Variants in CEP128 observed in about 807,000 individuals in gnomAD.
CEP128 encodes centrosomal protein 128.
A neutral mutation model predicts 156.7 loss-of-function variants in CEP128; 132 were observed. The observed-to-expected ratio is 0.84, with a 90% CI of 0.73 to 0.97. The LOEUF is 0.97. Ranked by LOEUF, CEP128 falls within the 50% of genes least tolerant of loss-of-function variation. CEP128 has a pLI of 0.00. For missense variants in CEP128, 1,252 were observed against 1,281.9 expected (o/e 0.98, Z 0.36); for synonymous variants, 469 against 448.9 (o/e 1.04, Z -0.57).
intron 19 of CEP128, among the ~76,000 whole-genome samples, chr14:80,724,976 T>C (rs1390234310): frequency 6.8e-6 from 1 of 146,852 alleles, no homozygotes; most frequent in Non-Finnish European, 1.5e-5. Flanking sequence ...ATATCATACA[T>C]ATATATCATA....
chr14:80,643,069 AG>A (rs1236675921), intron 19 of CEP128, among the ~76,000 whole-genome samples: 1 of 152,188 alleles, frequency 6.6e-6, no homozygotes, highest in Non-Finnish European at 1.5e-5. Flanking sequence ...ACATATATTA[AG>A]GGTACCTCAA....
chr14:80,503,701 G>GA (rs550449393), intron 24 of CEP128, among the ~76,000 whole-genome samples: 96 of 152,032 alleles, frequency 6.3e-4, no homozygotes, highest in African/African-American at 2.3e-3. Context: ...AAATATGAAA[G>GA]AAAAAAAATT....
downstream of CEP128, among the ~76,000 whole-genome samples, chr14:80,493,980 T>C (rs188030929): frequency 3.9e-5 from 6 of 152,358 alleles, no homozygotes; most frequent in East Asian, 9.6e-4. Context: ...TCTAAAGTTC[T>C]GCTTTTCCAT....
chr14:80,730,376 T>G (rs1483697191), intron 19 of CEP128, among the ~76,000 whole-genome samples: 1 of 152,200 alleles, frequency 6.6e-6, no homozygotes, highest in Admixed American at 6.5e-5. Flanking sequence ...TGCTTCTTAG[T>G]TAACTTATAT....
At chr14:80,933,168 G>A (rs779255082) in intron 2 of CEP128, among the ~76,000 whole-genome samples, 4 of 152,140 alleles carry the variant, frequency 2.6e-5, no homozygotes, top group Non-Finnish European at 5.9e-5. Context: ...CTGGAGAGGT[G>A]TTTCCTGCCC....
At chr14:80,703,867 A>C (rs1897152516) in intron 19 of CEP128, among the ~76,000 whole-genome samples, 1 of 152,076 alleles carries the variant, frequency 6.6e-6, no homozygotes, top group South Asian at 2.1e-4. Context: ...ACTCCAACAG[A>C]GTCAAAACAA....
Position 80,864,608 on chromosome 14 carries a change from G to A in CEP128, c.646-1735C>T, listed in dbSNP as rs191202852. 3.1e-4 allele frequency among the ~76,000 whole-genome samples: 47 copies of A among 151,668 alleles called. 2 individuals carry two copies. The highest frequency in any genetic ancestry group is 1.1e-3 in the African/African-American group (47 of 41,290). On this transcript the variant is annotated intron_variant, in intron 8 of 24. Transcript: ENST00000555265. ...GTCTCACTCTGTCACCCAGGCTGGA[G>A]TGCAGTGGCATGATCTCGGCTCACT... is the stretch of plus-strand genomic sequence containing the variant.
intron 19 of CEP128, among the ~76,000 whole-genome samples, chr14:80,740,383 C>T (rs1334721540): frequency 6.6e-6 from 1 of 151,742 alleles, no homozygotes; most frequent in Admixed American, 6.6e-5. Flanking sequence ...ATCTTTGGGC[C>T]AGGACAGGCC....
intron 9 of CEP128, among the ~76,000 whole-genome samples, chr14:80,852,064 C>T (rs375535551): frequency 6.6e-6 from 1 of 151,890 alleles, no homozygotes; most frequent in African/African-American, 2.4e-5. Flanking sequence ...TCACAAATGA[C>T]CTATTAAATT....
intron 19 of CEP128, among the ~76,000 whole-genome samples, chr14:80,651,906 G>A (rs1027229215): frequency 6.6e-6 from 1 of 152,072 alleles, no homozygotes; most frequent in Non-Finnish European, 1.5e-5. Flanking sequence ...GATTTGGGGT[G>A]GAGAGTTCTG....
intron 19 of CEP128, among the ~76,000 whole-genome samples, chr14:80,602,987 A>G (rs1892639762): frequency 6.6e-6 from 1 of 152,188 alleles, no homozygotes; most frequent in African/African-American, 2.4e-5. Context: ...GAAAACAAAA[A>G]CACGACATAC....
intron 19 of CEP128, among the ~76,000 whole-genome samples, chr14:80,728,126 C>CA (rs574019084): frequency 2.0e-5 from 3 of 150,160 alleles, no homozygotes; most frequent in African/African-American, 4.9e-5. Context: ...TGGACTGGAT[C>CA]AAAAAAAAAT....
At chr14:80,690,030 C>G (rs1473716623) in intron 19 of CEP128, among the ~76,000 whole-genome samples, 1 of 152,010 alleles carries the variant, frequency 6.6e-6, no homozygotes, top group Non-Finnish European at 1.5e-5. Context: ...TATCAACCAT[C>G]CATCCTGTTC....
chr14:80,923,919 A>T (rs971488846), intron 2 of CEP128, among the ~76,000 whole-genome samples: 1 of 151,966 alleles, frequency 6.6e-6, no homozygotes, highest in Non-Finnish European at 1.5e-5. Flanking sequence ...TTCTCACAAG[A>T]TCTGATGGTT....
intron 19 of CEP128, among the ~76,000 whole-genome samples, chr14:80,582,919 G>A (rs1392532132): frequency 6.6e-6 from 1 of 152,148 alleles, no homozygotes; most frequent in Non-Finnish European, 1.5e-5. Context: ...GTGATACATA[G>A]TGGGGTTCAT....
At chr14:80,740,944 T>G (rs328239) in intron 19 of CEP128, among the ~76,000 whole-genome samples, 76,511 of 151,822 alleles carry the variant, frequency 0.5, 19,948 homozygotes, top group African/African-American at 0.62. Context: ...ATAAAACAAA[T>G]CCAGAAGAGT....
At chr14:80,655,460 T>A (rs1349768719) in intron 19 of CEP128, among the ~76,000 whole-genome samples, 1 of 152,236 alleles carries the variant, frequency 6.6e-6, no homozygotes, top group Non-Finnish European at 1.5e-5. Context: ...CCATTCTCTA[T>A]AAGCACATGT....
chr14:80,840,834 A>G (rs1032234336), intron 9 of CEP128, 66 bp from the exon 10 acceptor site: 56 of 960,220 alleles, frequency 5.8e-5, no homozygotes, highest in Admixed American at 1.3e-4. Flanking sequence ...CACTACTAGA[A>G]TTTATTATGT....
Position 80,865,775 on chromosome 14 carries a change from C to A in CEP128, c.646-2902G>T, listed in dbSNP as rs548728653. ...CATGTTATGAGATGCTCTACGGAGA[C>A]GCCACATGTCAAAGAAACAAAAGAA... On this transcript the variant is annotated intron_variant, in intron 8 of 24. Transcript: ENST00000555265. Among the ~76,000 whole-genome samples the A allele has an allele frequency of 2.6e-5, 4 of 152,184 alleles. No homozygotes were observed. In the East Asian group the frequency reaches 5.8e-4, roughly 22 times the overall value.
Sources: allele counts gnomAD v4.1 joint callset (sites outside exome capture counted in the v4.1 genomes callset), GRCh38; gene constraint gnomAD v4.1.1; transcripts MANE v1.5; gene names NCBI Gene and HGNC (gene_info 2026-07-23, HGNC 2026-07-21).